The following RYR1 variants were observed in gnomAD, a reference collection of about 807,000 sequenced individuals.
RYR1 encodes ryanodine receptor 1.
Under a neutral mutation model 583.5 loss-of-function variants are expected in RYR1, and 342 were observed. The observed-to-expected ratio is 0.59, with a 90% CI of 0.54 to 0.64. The LOEUF is 0.64. Among genes scored for constraint, RYR1 ranks in the 30% least tolerant of loss-of-function variants. RYR1 has a pLI of 0.00. For synonymous variants in RYR1, 2,791 were observed against 2,822.5 expected (o/e 0.99, Z 0.35); for missense variants, 6,032 against 6,917.2 (o/e 0.87, Z 4.54).
At chr19:38,452,022 C>A in intron 12 of RYR1, 137 bp downstream of exon 12, 1 of 1,232,330 alleles carries the variant, frequency 8.1e-7, no homozygotes, top group Non-Finnish European at 1.2e-6. Flanking sequence ...AGCGCAGTGG[C>A]TCACACCTGT....
At chr19:38,460,702 G>T in intron 20 of RYR1, 111 bp downstream of exon 20, 1 of 1,073,990 alleles carries the variant, frequency 9.3e-7, no homozygotes, top group Non-Finnish European at 1.4e-6. Context: ...GGATGGCCAG[G>T]CGTGGTGGCT....
intron 77 of RYR1, 34 bp from the exon 78 acceptor site, chr19:38,532,636 CT>C (rs748840307): frequency 6.2e-7 from 1 of 1,613,946 alleles, no homozygotes; most frequent in Non-Finnish European, 8.5e-7. Flanking sequence ...GAGGGGTCTG[CT>C]TTGTTCATCC....
Position 38,561,059 on chromosome 19 carries a change from A to T in RYR1, c.12283-54A>T. The T allele has an allele frequency of 2.7e-5, 34 of 1,270,646 alleles. No homozygotes were observed. The highest frequency in any genetic ancestry group is 3.6e-5 in the Non-Finnish European group (33 of 906,400). The allele number at this position is 1,270,646 out of a possible 1,614,324, so 78.7% of individuals were successfully genotyped here. A position where few individuals can be genotyped will look rare whatever the true frequency, so the allele number is the denominator to read the frequency against. On this transcript the variant is annotated intron_variant, in intron 89 of 105. Transcript: ENST00000359596. This position sits in a 1 kb window ranked among gnomAD's most constrained non-coding sequence, Gnocchi z 4.8. The stretch of plus-strand genomic sequence containing the variant: ...TTGTCTTAAAAAAAAAAAAAAAAAG[A>T]GAGAGAATTGAGGCTCTCCAGGTCA...
intron 16 of RYR1, 116 bp from the exon 17 acceptor site, chr19:38,457,381 C>G (rs1661861937): frequency 1.4e-6 from 2 of 1,459,856 alleles, no homozygotes; most frequent in Non-Finnish European, 1.9e-6. Context: ...GTCAAAATTG[C>G]CACATCTTAT....
chr19:38,535,178 G>T lies in RYR1; in HGVS notation c.11397G>T (p.Leu3799=). ...TGAMVSSTLK[L]GISILNGGNA... ...CCATGGTGTCCTCCACCCTGAAGCT[G>T]GGCATCTCCATCCTCAATGGAGGCA... The change falls in exon 80 of 106, where the codon CTG becomes CTT. Residue 3799 remains leucine (L), a synonymous_variant. Transcript: ENST00000359596. 8.1e-6 allele frequency: 13 copies of T among 1,614,050 alleles called. No homozygotes were observed. The highest frequency in any genetic ancestry group is 9.3e-6 in the Non-Finnish European group (11 of 1,180,032).
intron 35 of RYR1, among the ~76,000 whole-genome samples, chr19:38,489,709 A>G (rs1260548975): frequency 6.6e-6 from 1 of 151,948 alleles, no homozygotes; most frequent in African/African-American, 2.4e-5. Flanking sequence ...GCTCACTGTA[A>G]CCTCCGCCTC....
chr19:38,519,464 G>T lies in RYR1; in HGVS notation c.10259+10G>T. 1 of 1,586,328 alleles carries T rather than the reference G, an allele frequency of 6.3e-7. No individual in the cohort carries two copies. The highest frequency in any genetic ancestry group is 2.3e-5 in the East Asian group (1 of 42,654). On this transcript the variant is annotated intron_variant, in intron 67 of 105. Transcript: ENST00000359596. ...ACGTGGACAACAACAGGTCAGCGGG[G>T]CCCCGCTGTCCCCATGCCCTCCGCC...
At chr19:38,568,707 G>A (rs1261045097) in intron 93 of RYR1, among the ~76,000 whole-genome samples, 1 of 148,798 alleles carries the variant, frequency 6.7e-6, no homozygotes, top group Non-Finnish European at 1.5e-5. Context: ...AGCCGAGATC[G>A]TGCCACTGCA....
chr19:38,538,012 C>T (rs763405797), intron 84 of RYR1, 52 bp downstream of exon 84: 12 of 1,565,396 alleles, frequency 7.7e-6, no homozygotes, highest in Non-Finnish European at 9.7e-6. Context: ...GGGGCTGGTA[C>T]GGAAGGGTTG....
At chr19:38,581,138 C>T (rs1356164200) in intron 101 of RYR1, among the ~76,000 whole-genome samples, 9 of 151,762 alleles carry the variant, frequency 5.9e-5, no homozygotes, top group Admixed American at 3.3e-4. Context: ...AGTGCAGTGG[C>T]GTGATCTCAG....
At chr19:38,578,878 G>A (rs1189078169) in intron 99 of RYR1, among the ~76,000 whole-genome samples, 2 of 151,044 alleles carry the variant, frequency 1.3e-5, no homozygotes, top group African/African-American at 4.9e-5. Context: ...TTGGGAGGCG[G>A]AGGCAGAGGT....
Position 38,485,687 on chromosome 19 carries a change from A to T in RYR1, c.5032A>T (p.Asn1678Tyr). 1 of 1,611,194 alleles carries T rather than the reference A, an allele frequency of 6.2e-7. No individual in the cohort carries two copies. Among genetic ancestry groups the T allele is most frequent in the Non-Finnish European group, 8.5e-7 (1 of 1,179,820 alleles). ...CCGCGCTGTGTGCGCCCTGGGCAAC[A>T]ATCGCGTGGCGCACGCTCTGTGCAG... ...LYRAVCALGNNRVAHALCSHV... is the reference protein window; with the variant it reads ...LYRAVCALGNYRVAHALCSHV... The change falls in exon 34 of 106, where the codon AAT (asparagine) becomes TAT (tyrosine). Residue 1678 changes from asparagine (N) to tyrosine (Y), a missense_variant. By Grantham distance (143) the Asn-to-Tyr change is moderately radical (BLOSUM62 -2). Coordinates refer to ENST00000359596, the MANE Select transcript of RYR1 (RefSeq NM_000540.3).
intron 90 of RYR1, among the ~76,000 whole-genome samples, chr19:38,562,059 T>C (rs1325599712): frequency 2.0e-5 from 3 of 152,094 alleles, no homozygotes; most frequent in Non-Finnish European, 2.9e-5. Context: ...GCACACCTCT[T>C]GCACACACAC....
chr19:38,470,095 G>T (rs1298962844), intron 27 of RYR1, among the ~76,000 whole-genome samples: 1 of 151,498 alleles, frequency 6.6e-6, no homozygotes, highest in Non-Finnish European at 1.5e-5. Flanking sequence ...GAACACGGGA[G>T]ATGGAGGTTG....
intron 87 of RYR1, among the ~76,000 whole-genome samples, chr19:38,545,703 C>G (rs1007199440): frequency 1.3e-5 from 2 of 152,074 alleles, no homozygotes; most frequent in African/African-American, 4.8e-5. Flanking sequence ...TCCAGCTACT[C>G]GAGAGGCTTA....
chr19:38,502,748 G>A (rs771112214), intron 48 of RYR1, 21 bp downstream of exon 48: 9 of 1,510,450 alleles, frequency 6.0e-6, no homozygotes, highest in East Asian at 2.4e-5. Flanking sequence ...GCAGGCTTCA[G>A]GGTGGGGCAG....
At chr19:38,535,772 G>T in intron 81 of RYR1, 1 of 619,476 alleles carries the variant, frequency 1.6e-6, no homozygotes, top group Non-Finnish European at 2.9e-6. Context: ...TTGCTAAATG[G>T]GTGGTTTCTG....
intron 83 of RYR1, 88 bp from the exon 84 acceptor site, chr19:38,537,792 G>A (rs1187473752): frequency 5.1e-6 from 6 of 1,186,438 alleles, no homozygotes; most frequent in Admixed American, 5.0e-5. Context: ...GTGCATGCGT[G>A]TGCAGTGTGC....
chr19:38,515,142 G>A lies in RYR1; in HGVS notation c.9554+35G>A. 2.1e-6 allele frequency: 3 copies of A among 1,409,362 alleles called. No individual in the cohort carries two copies. In the South Asian group the frequency reaches 3.5e-5, roughly 16 times the overall value. 87.3% of individuals were successfully genotyped at this position (1,409,362 alleles called of 1,614,324 possible). On this transcript the variant is annotated intron_variant, in intron 64 of 105. Coordinates refer to ENST00000359596, the MANE Select transcript of RYR1 (RefSeq NM_000540.3). ...GGGAGCCATCGTTTGGGGCTGGGTG[G>A]GGCTGGAGGGGAAGGGAGGGAGCAG... is the stretch of plus-strand genomic sequence containing the variant.
Sources: allele counts gnomAD v4.1 joint callset (sites outside exome capture counted in the v4.1 genomes callset), GRCh38; gene constraint gnomAD v4.1.1; non-coding constraint Gnocchi (gnomAD v3.1); transcripts MANE v1.5; gene names NCBI Gene and HGNC (gene_info 2026-07-23, HGNC 2026-07-21).